The following CELF2 variants were observed in gnomAD, a reference collection of about 807,000 sequenced individuals.
CELF2 encodes the protein CUG triplet repeat RNA-binding protein 2.
Under a neutral mutation model 62.6 loss-of-function variants are expected in CELF2, and 8 were observed. The observed-to-expected ratio is 0.13, with a 90% CI of 0.07 to 0.23. The LOEUF (loss-of-function observed/expected upper bound fraction) is 0.23. Among genes scored for constraint, CELF2 ranks in the 10% least tolerant of loss-of-function variants. The pLI, the probability that CELF2 is intolerant of heterozygous loss-of-function variation, is 1.00. For synonymous variants in CELF2, 258 were observed against 250.0 expected, an observed-to-expected ratio of 1.03 and a Z score of -0.30; for missense variants, 333 against 671.0, an observed-to-expected ratio of 0.50 and a Z score of 5.56.
chr10:10,804,429 T>C (rs977863706), intron 1 of CELF2, among the ~76,000 whole-genome samples: 1 of 152,238 alleles, frequency 6.6e-6, no homozygotes, highest in Non-Finnish European at 1.5e-5. Flanking sequence ...AGAAGTGGCT[T>C]TGACAGATAG....
At chr10:10,977,189 T>C (rs2051450390) in intron 2 of CELF2, among the ~76,000 whole-genome samples, 1 of 152,214 alleles carries the variant, frequency 6.6e-6, no homozygotes, top group African/African-American at 2.4e-5. Flanking sequence ...TCACGGATTC[T>C]TCCTGAAATT....
At chr10:10,732,740 T>C in the CELF2 span, among the ~76,000 whole-genome samples, 1 of 152,138 alleles carries the variant, frequency 6.6e-6, no homozygotes, top group Non-Finnish European at 1.5e-5. Context: ...GCCAGGCTGG[T>C]CTTGAACTCC....
At chr10:11,218,843 C>T (rs2064023493) in intron 3 of CELF2, among the ~76,000 whole-genome samples, 1 of 151,974 alleles carries the variant, frequency 6.6e-6, no homozygotes, top group Non-Finnish European at 1.5e-5. Flanking sequence ...TGTAAATGGA[C>T]TTTTTTTTAA....
chr10:10,534,035 A>T, the CELF2 span, among the ~76,000 whole-genome samples: 11 of 152,110 alleles, frequency 7.2e-5, 1 homozygote, highest in Admixed American at 6.6e-4. Context: ...AAATTAAAAC[A>T]TTACCCTGTC....
chr10:10,837,315 C>G (rs1240016971), intron 1 of CELF2, among the ~76,000 whole-genome samples: 1 of 152,168 alleles, frequency 6.6e-6, no homozygotes, highest in Non-Finnish European at 1.5e-5. Flanking sequence ...TCTGTCTTGC[C>G]TGTTGCCATG....
the CELF2 span, among the ~76,000 whole-genome samples, chr10:10,619,180 G>A: frequency 6.6e-6 from 1 of 152,202 alleles, no homozygotes; most frequent in Non-Finnish European, 1.5e-5. Flanking sequence ...TATGTCTGCA[G>A]CTTGATTTTT....
intron 1 of CELF2, among the ~76,000 whole-genome samples, chr10:11,091,947 G>A (rs2048437772): frequency 1.3e-5 from 2 of 152,140 alleles, no homozygotes; most frequent in South Asian, 4.1e-4. Flanking sequence ...ATTTAGAAAA[G>A]CAGAATAAAA....
At chr10:10,904,833 C>A (rs2063210371) in intron 1 of CELF2, among the ~76,000 whole-genome samples, 1 of 152,168 alleles carries the variant, frequency 6.6e-6, no homozygotes, top group African/African-American at 2.4e-5. Context: ...ACACCTTTGT[C>A]ATAGAAAGTA....
At chr10:10,904,334 C>T (rs1460437133) in intron 1 of CELF2, among the ~76,000 whole-genome samples, 1 of 152,012 alleles carries the variant, frequency 6.6e-6, no homozygotes, top group African/African-American at 2.4e-5. Flanking sequence ...TCAAGCGATC[C>T]TCCCACGTCT....
In CELF2 at chr10:11,242,227, A is replaced by G. The variant is rs1324614005; in HGVS notation, c.355-6926A>G. 6.6e-6 allele frequency among the ~76,000 whole-genome samples: 1 copy of G among 152,228 alleles called. No individual in the cohort carries two copies. The highest frequency in any genetic ancestry group is 6.5e-5 in the Admixed American group (1 of 15,286). On this transcript the variant is annotated intron_variant, in intron 3 of 12. Coordinates refer to ENST00000633077, the MANE Select transcript of CELF2 (RefSeq NM_001326342.2). This position sits in a 1 kb window ranked among gnomAD's most constrained non-coding sequence, Gnocchi z 4.8. ...CAGTGACTCTGTAAAAACCCATTTC[A>G]GGTTAAAAATGGCATGTTTTATTGA...
chr10:10,840,586 A>T (rs901530308), intron 1 of CELF2, among the ~76,000 whole-genome samples: 3 of 152,132 alleles, frequency 2.0e-5, no homozygotes, highest in Non-Finnish European at 2.9e-5. Context: ...AGTTCTTTGT[A>T]TATTTTGGAT....
rs529940914 is a variant in CELF2, at chr10:11,062,063, C to T, written c.74+43900C>T. ...CTGACCTCAGGTGATCTGCCCTCCTCGGCCTCCCAAAGTGCTGGGATTACA... is the reference window on the plus strand; with the variant it reads ...CTGACCTCAGGTGATCTGCCCTCCTTGGCCTCCCAAAGTGCTGGGATTACA... On this transcript the variant is annotated intron_variant, in intron 1 of 12. Coordinates refer to ENST00000633077, the MANE Select transcript of CELF2 (RefSeq NM_001326342.2). 1.2e-4 allele frequency among the ~76,000 whole-genome samples: 18 copies of T among 152,344 alleles called. 1 individual carries two copies. Among genetic ancestry groups the T allele is most frequent in the Admixed American group, 3.3e-4 (5 of 15,308 alleles).
chr10:10,881,847 G>A (rs534936609), intron 1 of CELF2, among the ~76,000 whole-genome samples: 6 of 152,276 alleles, frequency 3.9e-5, no homozygotes, highest in African/African-American at 1.2e-4. Context: ...TCAGGTTTCC[G>A]AAGTGTAGGC....
intron 9 of CELF2, among the ~76,000 whole-genome samples, chr10:11,313,181 T>A (rs1260865587): frequency 2.0e-5 from 3 of 152,164 alleles, no homozygotes; most frequent in African/African-American, 7.2e-5. Flanking sequence ...AAGGAAAAAT[T>A]AGAAACAAAA....
At chr10:10,631,181 A>G in the CELF2 span, among the ~76,000 whole-genome samples, 7 of 152,198 alleles carry the variant, frequency 4.6e-5, no homozygotes, top group Non-Finnish European at 8.8e-5. Context: ...CTGTTTCTAA[A>G]TGGAAGACTT....
intron 1 of CELF2, among the ~76,000 whole-genome samples, chr10:10,851,024 T>C (rs1055341466): frequency 9.2e-5 from 14 of 152,148 alleles, no homozygotes; most frequent in Non-Finnish European, 1.5e-4. Context: ...CAAGCTGGTC[T>C]CAAACTCCTG....
intron 2 of CELF2, among the ~76,000 whole-genome samples, chr10:10,973,305 A>G (rs1353218043): frequency 6.6e-6 from 1 of 151,882 alleles, no homozygotes; most frequent in Non-Finnish European, 1.5e-5. Context: ...GAAAACAAAA[A>G]AAGCAGAGGG....
rs1047687930 is a variant in CELF2, at chr10:11,306,914, A to G, written c.977-7225A>G. The stretch of plus-strand genomic sequence containing the variant: ...TATTGATTCATTGTCATCAATAACA[A>G]AAGGGGCCCAGGGAGTTTCTAGGCC... On this transcript the variant is annotated intron_variant, in intron 9 of 12. Coordinates refer to ENST00000633077, the MANE Select transcript of CELF2 (RefSeq NM_001326342.2). The surrounding 1 kb of genome is among the most constrained non-coding windows in gnomAD (Gnocchi z 4.4). Among the ~76,000 whole-genome samples the G allele has an allele frequency of 8.5e-5, 13 of 152,200 alleles. No individual in the cohort carries two copies. The highest frequency in any genetic ancestry group is 2.4e-4 in the African/African-American group (10 of 41,450).
chr10:10,952,656 AATGAGT>A lies in CELF2; in HGVS notation c.89+32663_89+32668del, dbSNP rs377559948. ...TACATATATTTATTTATAAAGAATT[AATGAGT>A]ATGAGATGGTCCAAAAAAAAAAAAA... On this transcript the variant is annotated intron_variant, in intron 2 of 13. Transcript: ENST00000636488. Among the ~76,000 whole-genome samples, 136 of 151,872 alleles carry A rather than the reference AATGAGT, an allele frequency of 9.0e-4. 1 individual carries two copies. Among genetic ancestry groups the A allele is most frequent in the African/African-American group, 2.4e-3 (98 of 41,364 alleles).
Sources: allele counts gnomAD v4.1 joint callset (sites outside exome capture counted in the v4.1 genomes callset), GRCh38; gene constraint gnomAD v4.1.1; non-coding constraint Gnocchi (gnomAD v3.1); transcripts MANE v1.5; gene names NCBI Gene and HGNC (gene_info 2026-07-23, HGNC 2026-07-21).